ROR2: variants seen among roughly 807,000 people sequenced by gnomAD.
The protein encoded by ROR2 is ROR family WNT receptor 2.
ROR2 carries 33 observed loss-of-function variants against 74.9 expected under a neutral mutation model. That is an observed-to-expected ratio of 0.44 (90% CI 0.33 to 0.59). The LOEUF is 0.59. Ranked by LOEUF, ROR2 falls within the 20% of genes least tolerant of loss-of-function variation. The probability of loss-of-function intolerance (pLI) is 0.02; values close to 1 mark genes in which losing one functional copy is unlikely to be tolerated. For synonymous variants in ROR2, 586 were observed against 558.7 expected, an observed-to-expected ratio of 1.05 and a Z score of -0.69; for missense variants, 1,216 against 1,313.8, an observed-to-expected ratio of 0.93 and a Z score of 1.15.
intron 1 of ROR2, among the ~76,000 whole-genome samples, chr9:91,825,543 G>A (rs1189392219): frequency 6.6e-6 from 1 of 152,192 alleles, no homozygotes; most frequent in Non-Finnish European, 1.5e-5. Flanking sequence ...ACATCTGCCT[G>A]AGACCCAGGC....
At position 91,723,577 on chromosome 9, in the gene ROR2, A is replaced by G. The variant is rs942184835; in HGVS notation, c.*85T>C. 4 of 1,551,546 alleles carry G rather than the reference A, an allele frequency of 2.6e-6. No individual in the cohort carries two copies. Among genetic ancestry groups the G allele is most frequent in the Non-Finnish European group, 3.5e-6 (4 of 1,150,170 alleles). On this transcript the variant is annotated 3_prime_UTR_variant, in exon 9 of 9. Transcript: ENST00000375708. ...GGCCGGCGGGCTCTTGTGATTGCTGAGTATGGTGTCTTCTCAAAGGTGACT... is the reference window on the plus strand; with the variant it reads ...GGCCGGCGGGCTCTTGTGATTGCTGGGTATGGTGTCTTCTCAAAGGTGACT...
intron 1 of ROR2, among the ~76,000 whole-genome samples, chr9:91,848,700 A>T (rs62564597): frequency 2.0e-5 from 3 of 148,500 alleles, no homozygotes; most frequent in African/African-American, 5.0e-5. Flanking sequence ...GGTTGCAGTG[A>T]GCTGAGATCG....
At chr9:91,824,538 A>C (rs1828226567) in intron 1 of ROR2, among the ~76,000 whole-genome samples, 1 of 152,206 alleles carries the variant, frequency 6.6e-6, no homozygotes. Context: ...CGAAAGGGAG[A>C]AAAATTTCAA....
intron 1 of ROR2, among the ~76,000 whole-genome samples, chr9:91,806,796 A>G (rs113782402): frequency 0.034 from 5,127 of 152,196 alleles, 140 homozygotes; most frequent in Non-Finnish European, 0.045. Context: ...TCACCGTGTT[A>G]GCCAGGATGG....
intron 1 of ROR2, among the ~76,000 whole-genome samples, chr9:91,793,064 G>T (rs544481571): frequency 1.3e-5 from 2 of 152,144 alleles, no homozygotes; most frequent in African/African-American, 4.8e-5. Flanking sequence ...CTTATTCTAT[G>T]AGGTCAGTAT....
chr9:91,891,909 G>A (rs1307850303), intron 1 of ROR2, among the ~76,000 whole-genome samples: 5 of 152,082 alleles, frequency 3.3e-5, no homozygotes, highest in Non-Finnish European at 5.9e-5. Context: ...TTAGCCAGGC[G>A]TGGTGGTGGA....
intron 1 of ROR2, chr9:91,923,808 G>C (rs942750773): frequency 3.9e-5 from 6 of 152,248 alleles, no homozygotes; most frequent in African/African-American, 1.4e-4. Flanking sequence ...CGATGAGTCA[G>C]TATCTTTTTG....
chr9:91,774,928 T>C (rs1826367857), intron 2 of ROR2, among the ~76,000 whole-genome samples: 1 of 152,186 alleles, frequency 6.6e-6, no homozygotes, highest in South Asian at 2.1e-4. Flanking sequence ...GACTATTGGG[T>C]CGGTTTCAGC....
intron 6 of ROR2, 140 bp downstream of exon 6, chr9:91,732,982 G>C: frequency 1.2e-6 from 1 of 839,818 alleles, no homozygotes; most frequent in Admixed American, 2.8e-5. Context: ...CCTAGGCTGT[G>C]GGGCCCTCGG....
At chr9:91,784,661 TG>T (rs1305586275) in intron 1 of ROR2, among the ~76,000 whole-genome samples, 1 of 152,240 alleles carries the variant, frequency 6.6e-6, no homozygotes, top group Non-Finnish European at 1.5e-5. Flanking sequence ...TATGTACTTT[TG>T]TAGACGTAAA....
intron 1 of ROR2, among the ~76,000 whole-genome samples, chr9:91,799,906 G>A (rs1270811097): frequency 2.6e-5 from 4 of 152,344 alleles, no homozygotes; most frequent in East Asian, 1.9e-4. Context: ...CCAGGTGTGC[G>A]TGGCCAGGGT....
intron 1 of ROR2, among the ~76,000 whole-genome samples, chr9:91,914,161 T>A (rs995005924): frequency 6.6e-6 from 1 of 152,112 alleles, no homozygotes; most frequent in South Asian, 2.1e-4. Context: ...GGCCACCTTA[T>A]ACTGTGTGTA....
Position 91,731,027 on chromosome 9 carries a change from G to A in ROR2, c.1066C>T (p.Pro356Ser). ...TAGGCGTGCCCCCCTCCAAGCTCAG[G>A]GAAGTCTGTGCTGGACAGGTGGTGG... ...HSHHLSSTDF[P>S]ELGGGHAYCR... Residue 356 changes from proline (P) to serine (S), a missense_variant, in exon 7 of 9, where the codon CCT (proline) becomes TCT (serine). Transcript: ENST00000375708. 1.2e-6 allele frequency: 2 copies of A among 1,614,154 alleles called. No individual in the cohort carries two copies. Among genetic ancestry groups the A allele is most frequent in the Non-Finnish European group, 8.5e-7 (1 of 1,180,026 alleles).
intron 1 of ROR2, among the ~76,000 whole-genome samples, chr9:91,949,335 C>T (rs899573698): frequency 6.6e-6 from 1 of 151,950 alleles, no homozygotes; most frequent in Non-Finnish European, 1.5e-5. Flanking sequence ...GCCGCCGGCG[C>T]CCCCACCCCC....
intron 1 of ROR2, among the ~76,000 whole-genome samples, chr9:91,880,301 G>A (rs551992302): frequency 6.6e-6 from 1 of 152,310 alleles, no homozygotes; most frequent in South Asian, 2.1e-4. Context: ...CTGGCCTCCA[G>A]AACTAGGATG....
At chr9:91,915,679 T>G (rs935295669) in intron 1 of ROR2, among the ~76,000 whole-genome samples, 1 of 152,120 alleles carries the variant, frequency 6.6e-6, no homozygotes, top group African/African-American at 2.4e-5. Flanking sequence ...CAGCTTTTAT[T>G]CCCTTATTTG....
intron 1 of ROR2, chr9:91,948,814 G>A (rs1832082755): frequency 1.0e-6 from 1 of 985,360 alleles, no homozygotes; most frequent in Non-Finnish European, 1.2e-6. Flanking sequence ...TAGGTCTCTG[G>A]CGCTCCTGGG....
At chr9:91,933,818 G>A (rs184398614) in intron 1 of ROR2, among the ~76,000 whole-genome samples, 12 of 152,300 alleles carry the variant, frequency 7.9e-5, no homozygotes, top group African/African-American at 1.7e-4. Context: ...GTAGATTAGC[G>A]GTTGCCAGAG....
chr9:91,879,548 A>T (rs1291044277), intron 1 of ROR2, among the ~76,000 whole-genome samples: 1 of 151,978 alleles, frequency 6.6e-6, no homozygotes. Flanking sequence ...TGCAGAGGCA[A>T]TAACTTCAGC....
Sources: allele counts gnomAD v4.1 joint callset (sites outside exome capture counted in the v4.1 genomes callset), GRCh38; gene constraint gnomAD v4.1.1; transcripts MANE v1.5; gene names NCBI Gene and HGNC (gene_info 2026-07-23, HGNC 2026-07-21).